The following HDHD5 variants were observed in gnomAD, a reference collection of about 807,000 sequenced individuals.
HDHD5 encodes the protein haloacid dehalogenase like hydrolase domain containing 5.
HDHD5 carries 34 observed loss-of-function variants against 35.5 expected under a neutral mutation model. The ratio of observed to expected loss-of-function variants is 0.96; its 90% CI spans 0.73 to 1.28. The LOEUF (loss-of-function observed/expected upper bound fraction) is 1.28. Among genes scored for constraint, HDHD5 ranks in the 50% most tolerant of loss-of-function variants. HDHD5 has a pLI of 0.00. For synonymous variants in HDHD5, 248 were observed against 240.6 expected, an observed-to-expected ratio of 1.03 and a Z score of -0.29; for missense variants, 589 against 560.2, an observed-to-expected ratio of 1.05 and a Z score of -0.52.
Position 17,138,079 on chromosome 22 carries a change from T to C in HDHD5, c.1214A>G (p.Asn405Ser), listed in dbSNP as rs1318029307. The change falls in exon 8 of 8, where the codon AAT (asparagine) becomes AGT (serine). Residue 405 changes from asparagine to serine, a missense_variant. Coordinates refer to ENST00000336737, the MANE Select transcript of HDHD5 (RefSeq NM_033070.3). ...CAGCTGCACAGCCTCATTCACGTCA[T>C]TCACCACGTGGGAGGCCTCCATGAG... ...PGLMEASHVVNDVNEAVQLVF... is the reference protein window; with the variant it reads ...PGLMEASHVVSDVNEAVQLVF... 15 of 1,613,642 alleles carry C rather than the reference T, an allele frequency of 9.3e-6. No homozygotes were observed. Among genetic ancestry groups the C allele is most frequent in the Non-Finnish European group, 1.3e-5 (15 of 1,179,976 alleles).
At chr22:17,143,685 C>T (rs930376423) in intron 4 of HDHD5, 1 of 152,530 alleles carries the variant, frequency 6.6e-6, no homozygotes, top group African/African-American at 2.4e-5. Flanking sequence ...TTCTGGTTCT[C>T]CACAGAACTT....
At chr22:17,161,214 C>A (rs182005129), upstream of HDHD5, among the ~76,000 whole-genome samples, 1 of 133,806 alleles carries the variant, frequency 7.5e-6, no homozygotes, top group Non-Finnish European at 1.5e-5. Flanking sequence ...CCACTGTACT[C>A]GAGCCTGGGC....
chr22:17,153,172 T>C (rs536768788), intron 1 of HDHD5, among the ~76,000 whole-genome samples: 1 of 152,236 alleles, frequency 6.6e-6, no homozygotes, highest in Non-Finnish European at 1.5e-5. Flanking sequence ...GGCATTTTTA[T>C]GTATTCTTTT....
rs369910266 is a variant in HDHD5, at chr22:17,144,995, G to C, written c.537+29C>G. Reference sequence around the variant, plus strand: ...GGGCACTGGAGGAGTGAAGGATGAAGACACAGCCCAACCCATGCTCCTTAT... The same window carrying C: ...GGGCACTGGAGGAGTGAAGGATGAACACACAGCCCAACCCATGCTCCTTAT... On this transcript the variant is annotated intron_variant, in intron 4 of 7. Transcript: ENST00000336737. 27 of 1,612,894 alleles carry C rather than the reference G, an allele frequency of 1.7e-5. 1 individual carries two copies. In the African/African-American group the frequency reaches 3.2e-4, roughly 19 times the overall value.
intron 1 of HDHD5, among the ~76,000 whole-genome samples, chr22:17,155,842 G>A (rs1240846724): frequency 1.3e-5 from 2 of 152,180 alleles, no homozygotes; most frequent in African/African-American, 4.8e-5. Flanking sequence ...TAATGGAACA[G>A]GAACTCATAG....
At position 17,148,302 on chromosome 22, in the gene HDHD5, G is replaced by A. The variant is rs2061687800; in HGVS notation, c.443+146C>T. The A allele has an allele frequency of 6.9e-5, 48 of 699,582 alleles. No homozygotes were observed. In the East Asian group the frequency reaches 1.2e-3, roughly 17 times the overall value. The allele number at this position is 699,582 out of a possible 1,614,324, so 43.3% of individuals were successfully genotyped here. On this transcript the variant is annotated intron_variant, in intron 3 of 7. Transcript: ENST00000336737. ...CAGACATGAGGACTGACCACAGTCGGGAGCTGTCCTCCCTCCCCTGAGCCC... is the reference window on the plus strand; with the variant it reads ...CAGACATGAGGACTGACCACAGTCGAGAGCTGTCCTCCCTCCCCTGAGCCC...
upstream of HDHD5, among the ~76,000 whole-genome samples, chr22:17,161,624 T>C (rs368640142): frequency 6.6e-6 from 1 of 150,994 alleles, no homozygotes. Context: ...ATCCCAACAC[T>C]TGGGAAGCCG....
chr22:17,159,042 G>C (rs71312077), intron 1 of HDHD5, 84 bp downstream of exon 1: 3 of 1,132,006 alleles, frequency 2.7e-6, no homozygotes, highest in Non-Finnish European at 2.2e-6. Flanking sequence ...ATACCAGCCC[G>C]GCCGCCCCTC....
At chr22:17,140,969 G>A (rs2061593301) in intron 6 of HDHD5, 90 bp downstream of exon 6, 4 of 1,259,396 alleles carry the variant, frequency 3.2e-6, no homozygotes, top group African/African-American at 3.1e-5. Flanking sequence ...CACCTGGGGT[G>A]TCAGGACGGA....
chr22:17,154,461 A>G (rs2061762208), intron 1 of HDHD5, among the ~76,000 whole-genome samples: 2 of 152,088 alleles, frequency 1.3e-5, no homozygotes, highest in South Asian at 4.2e-4. Context: ...CCTGGGCAAC[A>G]AGAGGGAAAC....
At position 17,145,089 on chromosome 22, in the gene HDHD5, C is replaced by T; in HGVS notation, c.472G>A (p.Asp158Asn). Residue 158 changes from aspartate to asparagine, a missense_variant, in exon 4 of 8, where the codon GAT (aspartate) becomes AAT (asparagine). Transcript: ENST00000336737. ...GLGFRNVVTV[D>N]ELRMAFPLLD... is the part of the protein sequence containing the mutation. Reference sequence around the variant, plus strand: ...AGAGGAAAGGCCATCCGCAGCTCATCCACGGTGACGACATTTCGGAAGCCC... The same window carrying T: ...AGAGGAAAGGCCATCCGCAGCTCATTCACGGTGACGACATTTCGGAAGCCC... 3 of 1,614,046 alleles carry T rather than the reference C, an allele frequency of 1.9e-6. No individual in the cohort carries two copies. Among genetic ancestry groups the T allele is most frequent in the Non-Finnish European group, 2.5e-6 (3 of 1,180,024 alleles).
upstream of HDHD5, chr22:17,159,391 C>G (rs1396797206): frequency 1.0e-6 from 1 of 990,424 alleles, no homozygotes; most frequent in East Asian, 6.0e-5. Flanking sequence ...CGTCGGGCGC[C>G]TATGGAACTC....
chr22:17,141,100 G>A lies in HDHD5; in HGVS notation c.705C>T (p.Ser235=). The A allele has an allele frequency of 2.5e-6, 4 of 1,593,414 alleles. No individual in the cohort carries two copies. The highest frequency in any genetic ancestry group is 1.1e-5 in the South Asian group (1 of 88,412). The change falls in exon 6 of 8, where the codon AGC becomes AGT. Residue 235 remains serine, a synonymous_variant. Transcript: ENST00000336737. ...CAGCCATCCACAGGAGATCCATGTT[G>A]CTGGCTAGGACGGGGAGGTGGGGGT... ...PPYPHLPVLA[S]NMDLLWMAEA... is the part of the protein sequence containing the mutation.
chr22:17,137,912 G>A lies in HDHD5; in HGVS notation c.*109C>T, dbSNP rs1427968248. 1.7e-5 allele frequency: 14 copies of A among 834,328 alleles called. No individual in the cohort carries two copies. The highest frequency in any genetic ancestry group is 8.0e-5 in the East Asian group (3 of 37,386). The allele number at this position is 834,328 out of a possible 1,614,324, so 51.7% of individuals were successfully genotyped here. A position where few individuals can be genotyped will look rare whatever the true frequency, so the allele number is the denominator to read the frequency against. On this transcript the variant is annotated 3_prime_UTR_variant, in exon 8 of 8. Transcript: ENST00000336737. ...CCACACTCATGGGGCAGCAAGAAGG[G>A]TGGCAAGGGAACCAAGCCCTGACCT...
intron 1 of HDHD5, among the ~76,000 whole-genome samples, chr22:17,153,149 G>A (rs1450604174): frequency 6.6e-6 from 1 of 152,202 alleles, no homozygotes; most frequent in Non-Finnish European, 1.5e-5. Flanking sequence ...CACTCAGCCA[G>A]ACATGTAACA....
chr22:17,147,292 GAC>G lies in HDHD5; in HGVS notation c.443+1154_443+1155del, dbSNP rs1202446736. On this transcript the variant is annotated intron_variant, in intron 3 of 7. Transcript: ENST00000336737. The stretch of plus-strand genomic sequence containing the variant: ...GCCATCGCACACGCCCCACACCTGT[GAC>G]GCACTCCTGTGAGCTTACAGGCCTT... 1.2e-4 allele frequency among the ~76,000 whole-genome samples: 10 copies of G among 80,036 alleles called. 2 individuals carry two copies. Among genetic ancestry groups the G allele is most frequent in the Non-Finnish European group, 2.1e-4 (9 of 42,738 alleles). 52.5% of individuals were successfully genotyped at this position (80,036 alleles called of 152,430 possible). A position where few individuals can be genotyped will look rare whatever the true frequency, so the allele number is the denominator to read the frequency against.
chr22:17,138,070 T>C lies in HDHD5; in HGVS notation c.1223A>G (p.Asn408Ser). The change falls in exon 8 of 8, where the codon AAT becomes AGT. Residue 408 changes from asparagine to serine, a missense_variant. By Grantham distance (46) the Asn-to-Ser change is conservative. Transcript: ENST00000336737. ...GCGGAAGACCAGCTGCACAGCCTCATTCACGTCATTCACCACGTGGGAGGC... is the reference window on the plus strand; with the variant it reads ...GCGGAAGACCAGCTGCACAGCCTCACTCACGTCATTCACCACGTGGGAGGC... ...MEASHVVNDV[N>S]EAVQLVFRKE... is the part of the protein sequence containing the mutation. 4 of 1,613,756 alleles carry C rather than the reference T, an allele frequency of 2.5e-6. No homozygotes were observed. The highest frequency in any genetic ancestry group is 2.5e-6 in the Non-Finnish European group (3 of 1,179,962).
rs749947487 is a variant in HDHD5 at position 17,145,074 on chromosome 22, C to T, written c.487G>A (p.Ala163Thr). Residue 163 changes from alanine to threonine, a missense_variant, in exon 4 of 8, where the codon GCC becomes ACC. Physicochemically the swap from Ala to Thr is moderately conservative, Grantham distance 58. Transcript: ENST00000336737. ...NVVTVDELRM[A>T]FPLLDMVDLE... is the part of the protein sequence containing the mutation. ...TCCACCATGTCAAGCAGAGGAAAGG[C>T]CATCCGCAGCTCATCCACGGTGACG... 1.1e-5 allele frequency: 17 copies of T among 1,613,998 alleles called. No homozygotes were observed. The South Asian group carries it at 1.8e-4, about 17-fold the overall frequency.
intron 1 of HDHD5, chr22:17,158,902 C>T: frequency 3.1e-6 from 1 of 327,836 alleles, no homozygotes. Flanking sequence ...GTCCCACGAG[C>T]GCTCTCCCGC....
Sources: gnomAD v4.1 joint callset for allele counts (sites outside exome capture counted in the v4.1 genomes callset) on GRCh38, gnomAD v4.1.1 for gene constraint, MANE v1.5 for transcripts, NCBI Gene and HGNC (gene_info 2026-07-23, HGNC 2026-07-21) for gene names.